Variants in SPART observed in about 807,000 individuals in gnomAD.
SPART encodes the protein spartin.
A neutral mutation model predicts 58.7 loss-of-function variants in SPART; 35 were observed. The ratio of observed to expected loss-of-function variants is 0.60; its 90% CI spans 0.46 to 0.79. SPART has a LOEUF of 0.79. SPART is among the 30% of genes least tolerant of loss of function. The pLI is 0.00. For synonymous variants in SPART, 284 were observed against 280.7 expected, an observed-to-expected ratio of 1.01 and a Z score of -0.12; for missense variants, 730 against 786.1, an observed-to-expected ratio of 0.93 and a Z score of 0.85.
Position 36,335,621 on chromosome 13 carries a change from C to T in SPART, c.210G>A (p.Gly70=), listed in dbSNP as rs1883926211. The T allele has an allele frequency of 1.9e-6, 3 of 1,613,908 alleles. No homozygotes were observed. Among genetic ancestry groups the T allele is most frequent in the Admixed American group, 1.7e-5 (1 of 59,982 alleles). ...GTTGCATCTGTCTAGCAGATTCCCA[C>T]CCAGGACCTGTGTGTTCAGACTCTT... The part of the protein sequence containing the change: ...SSKESEHTGP[G]WESARQMQQK... The change falls in exon 2 of 9, where the codon GGG becomes GGA. Residue 70 remains glycine (G), a synonymous_variant. Transcript: ENST00000438666.
At chr13:36,313,225 C>T (rs146211510) in intron 6 of SPART, among the ~76,000 whole-genome samples, 24 of 152,228 alleles carry the variant, frequency 1.6e-4, no homozygotes, top group African/African-American at 5.3e-4. Flanking sequence ...AACTGCTCTC[C>T]TTGAAAGAAT....
chr13:36,364,896 T>TA (rs1325026147), intron 1 of SPART, among the ~76,000 whole-genome samples: 1 of 152,128 alleles, frequency 6.6e-6, no homozygotes, highest in African/African-American at 2.4e-5. Context: ...TCAGCCCCCT[T>TA]CATCCATTCT....
chr13:36,348,333 C>T (rs1885271513), upstream of SPART, among the ~76,000 whole-genome samples: 1 of 152,336 alleles, frequency 6.6e-6, no homozygotes, highest in South Asian at 2.1e-4. Flanking sequence ...TGGTCATCTA[C>T]TCTACTTCTT....
intron 1 of SPART, among the ~76,000 whole-genome samples, chr13:36,362,279 G>A (rs1172674259): frequency 6.6e-6 from 1 of 151,530 alleles, no homozygotes; most frequent in Non-Finnish European, 1.5e-5. Flanking sequence ...TGACCCCCAG[G>A]AGGTGGAGGT....
In SPART at chr13:36,335,107, G is replaced by A. The variant is rs750529740; in HGVS notation, c.724C>T (p.Pro242Ser). ...FVNPAGEVSA[P>S]SYPGYLRIVR... Reference sequence around the variant, plus strand: ...ATTCGAAGGTACCCAGGATACGAAGGTGCACTAACCTCCCCTGCAGGATTT... The same window carrying A: ...ATTCGAAGGTACCCAGGATACGAAGATGCACTAACCTCCCCTGCAGGATTT... The change falls in exon 2 of 9, where the codon CCT (proline) becomes TCT (serine). Residue 242 changes from proline to serine, a missense_variant. By Grantham distance (74) the Pro-to-Ser change is moderately conservative. Coordinates refer to ENST00000438666, the MANE Select transcript of SPART (RefSeq NM_015087.5). The A allele has an allele frequency of 1.2e-6, 2 of 1,614,080 alleles. No individual in the cohort carries two copies. Among genetic ancestry groups the A allele is most frequent in the East Asian group, 4.5e-5 (2 of 44,878 alleles).
upstream of SPART, among the ~76,000 whole-genome samples, chr13:36,347,009 C>T (rs932872015): frequency 1.3e-5 from 2 of 152,188 alleles, no homozygotes; most frequent in Non-Finnish European, 2.9e-5. Context: ...GTCTATATCA[C>T]TATCATAAAA....
Position 36,335,765 on chromosome 13 carries a change from C to A in SPART, c.66G>T (p.Lys22Asn), listed in dbSNP as rs142586662. The change falls in exon 2 of 9, where the codon AAG (lysine) becomes AAT (asparagine). Residue 22 changes from lysine (K) to asparagine (N), a missense_variant. By Grantham distance (94) the Lys-to-Asn change is moderately conservative (BLOSUM62 0). Coordinates refer to ENST00000438666, the MANE Select transcript of SPART (RefSeq NM_015087.5). ...GACCTTTGTTAACAAATAAAAAGGCCTTCTTATATGCTTCTCTGATGATCT... is the reference window on the plus strand; with the variant it reads ...GACCTTTGTTAACAAATAAAAAGGCATTCTTATATGCTTCTCTGATGATCT... The part of the protein sequence containing the change: ...EIKIIREAYK[K>N]AFLFVNKGLN... 6.2e-7 allele frequency: 1 copy of A among 1,613,928 alleles called. No individual in the cohort carries two copies. The highest frequency in any genetic ancestry group is 1.3e-5 in the African/African-American group (1 of 75,018).
chr13:36,331,258 T>C (rs1883431028), intron 3 of SPART, 141 bp downstream of exon 3: 3 of 769,602 alleles, frequency 3.9e-6, no homozygotes, highest in South Asian at 1.5e-5. Flanking sequence ...TCCAAGCATG[T>C]AGTTGTGAAC....
chr13:36,349,507 T>C (rs1207426489), upstream of SPART, among the ~76,000 whole-genome samples: 6 of 152,142 alleles, frequency 3.9e-5, no homozygotes, highest in African/African-American at 1.4e-4. Context: ...CAGAAGGATG[T>C]GGTAGAAGGA....
Position 36,326,715 on chromosome 13 carries a change from T to G in SPART, c.1165-17A>C. 1 of 1,611,902 alleles carries G rather than the reference T, an allele frequency of 6.2e-7. No homozygotes were observed. Among genetic ancestry groups the G allele is most frequent in the Non-Finnish European group, 8.5e-7 (1 of 1,179,584 alleles). On this transcript the variant is annotated splice_polypyrimidine_tract_variant and intron_variant, in intron 4 of 8. Coordinates refer to ENST00000438666, the MANE Select transcript of SPART (RefSeq NM_015087.5). Reference sequence around the variant, plus strand: ...ATCTTTAGCCTAAACAGTAAAAATGTTTCAAAATGTGAAGAGTTAGTACTA... The same window carrying G: ...ATCTTTAGCCTAAACAGTAAAAATGGTTCAAAATGTGAAGAGTTAGTACTA...
At chr13:36,317,834 CAAACT>C (rs1318904851) in intron 5 of SPART, among the ~76,000 whole-genome samples, 2 of 152,146 alleles carry the variant, frequency 1.3e-5, no homozygotes, top group East Asian at 3.9e-4. Flanking sequence ...GACCCCAATA[CAAACT>C]CTACAGTAGT....
intron 2 of SPART, among the ~76,000 whole-genome samples, chr13:36,332,674 T>C (rs566588993): frequency 6.6e-6 from 1 of 152,352 alleles, no homozygotes; most frequent in South Asian, 2.1e-4. Flanking sequence ...TCTCCTGCAA[T>C]GTCATCTGCG....
rs770388827 is a variant in SPART, at chr13:36,314,291, G to A, written c.1419C>T (p.Val473=). The part of the protein sequence containing the change: ...EEKPVEVSPA[V]TKGLYIAKQA... ...GCTTCGCTATATAAAGTCCCTTGGT[G>A]ACAGCTGGACTAACTTCCACGGGTT... Residue 473 remains valine (V), a synonymous_variant, in exon 6 of 9, where the codon GTC becomes GTT. Coordinates refer to ENST00000438666, the MANE Select transcript of SPART (RefSeq NM_015087.5). 2 of 1,614,134 alleles carry A rather than the reference G, an allele frequency of 1.2e-6. No individual in the cohort carries two copies. Among genetic ancestry groups the A allele is most frequent in the Admixed American group, 1.7e-5 (1 of 60,020 alleles).
intron 1 of SPART, among the ~76,000 whole-genome samples, chr13:36,364,885 A>G (rs1194267373): frequency 1.3e-5 from 2 of 152,122 alleles, no homozygotes; most frequent in African/African-American, 2.4e-5. Flanking sequence ...TCTGCTGTCA[A>G]TCAGCCCCCT....
chr13:36,341,102 G>C (rs921621338), intron 1 of SPART, among the ~76,000 whole-genome samples: 1 of 152,062 alleles, frequency 6.6e-6, no homozygotes, highest in Non-Finnish European at 1.5e-5. Flanking sequence ...CAATATATTC[G>C]CACTGTTTAG....
chr13:36,370,168 G>A (rs1020511918), exon 1 of SPART: 2 of 152,264 alleles, frequency 1.3e-5, no homozygotes, highest in African/African-American at 4.8e-5. Flanking sequence ...GGAAGGTGGG[G>A]GCTGGTACTG....
chr13:36,368,329 G>A, intron 1 of SPART: 4 of 291,636 alleles, frequency 1.4e-5, no homozygotes, highest in African/African-American at 2.3e-5. Flanking sequence ...TGAGGAAGAA[G>A]GACCATTAAA....
chr13:36,344,320 A>G (rs2137646739), intron 1 of SPART, among the ~76,000 whole-genome samples: 1 of 152,340 alleles, frequency 6.6e-6, no homozygotes, highest in Non-Finnish European at 1.5e-5. Context: ...GGTGTGATGA[A>G]AGATTTCCTA....
intron 1 of SPART, chr13:36,368,336 T>A: frequency 3.6e-6 from 1 of 276,460 alleles, no homozygotes; most frequent in African/African-American, 2.3e-5. Flanking sequence ...GAAGGACCAT[T>A]AAAAAAGGTA....
Sources: gnomAD v4.1 joint callset for allele counts (sites outside exome capture counted in the v4.1 genomes callset) on GRCh38, gnomAD v4.1.1 for gene constraint, MANE v1.5 for transcripts, NCBI Gene and HGNC (gene_info 2026-07-23, HGNC 2026-07-21) for gene names.